DACH1: variants seen among roughly 807,000 people sequenced by gnomAD.
The protein encoded by DACH1 is dachshund homolog 1.
A neutral mutation model predicts 54.2 loss-of-function variants in DACH1; 12 were observed. The observed-to-expected ratio is 0.22, with a 90% CI of 0.14 to 0.36. The LOEUF is 0.36. Among genes scored for constraint, DACH1 ranks in the 10% least tolerant of loss-of-function variants. DACH1 has a pLI of 1.00. For missense variants in DACH1, 805 were observed against 929.8 expected (o/e 0.87, Z 1.75); for synonymous variants, 386 against 366.2 (o/e 1.05, Z -0.62).
chr13:71,679,591 T>TA (rs138369758), intron 2 of DACH1, among the ~76,000 whole-genome samples: 9,895 of 149,458 alleles, frequency 0.066, 932 homozygotes, highest in African/African-American at 0.21. Flanking sequence ...AATGGTTATT[T>TA]AAAAAAAAAA....
At chr13:71,680,882 A>G (rs1443551234) in intron 2 of DACH1, among the ~76,000 whole-genome samples, 1 of 152,114 alleles carries the variant, frequency 6.6e-6, no homozygotes, top group Non-Finnish European at 1.5e-5. Flanking sequence ...AAATGTTACA[A>G]AGAAAAATAC....
chr13:71,831,406 G>A (rs1006998588), intron 1 of DACH1, among the ~76,000 whole-genome samples: 3 of 151,730 alleles, frequency 2.0e-5, no homozygotes, highest in Non-Finnish European at 2.9e-5. Context: ...TAAGGTCCGA[G>A]AAACTGAAAA....
chr13:71,561,257 T>C (rs1166852749), intron 4 of DACH1, among the ~76,000 whole-genome samples: 1 of 152,210 alleles, frequency 6.6e-6, no homozygotes, highest in Admixed American at 6.5e-5. Flanking sequence ...CTGAGTATTA[T>C]GGCTTAATTG....
intron 1 of DACH1, among the ~76,000 whole-genome samples, chr13:71,706,871 G>T (rs563756275): frequency 6.6e-6 from 1 of 151,892 alleles, no homozygotes; most frequent in Non-Finnish European, 1.5e-5. Context: ...AATCTGCCTC[G>T]GTACAGTAAG....
At chr13:71,681,984 G>C (rs1161774272) in intron 1 of DACH1, 74 bp from the exon 2 acceptor site, 1 of 861,618 alleles carries the variant, frequency 1.2e-6, no homozygotes, top group African/African-American at 1.7e-5. Flanking sequence ...GTTTCAAGTG[G>C]TAACATGGAC....
At chr13:71,511,989 T>C (rs1454260109) in intron 6 of DACH1, among the ~76,000 whole-genome samples, 2 of 151,984 alleles carry the variant, frequency 1.3e-5, no homozygotes, top group Non-Finnish European at 2.9e-5. Flanking sequence ...TTCCTAAAAC[T>C]GTAACTGAGG....
At chr13:71,549,866 C>G (rs1237400309) in intron 6 of DACH1, among the ~76,000 whole-genome samples, 1 of 152,034 alleles carries the variant, frequency 6.6e-6, no homozygotes, top group Non-Finnish European at 1.5e-5. Flanking sequence ...ATTTACACAG[C>G]CACACACATG....
intron 1 of DACH1, among the ~76,000 whole-genome samples, chr13:71,812,838 T>G (rs1887770305): frequency 6.6e-6 from 1 of 152,162 alleles, no homozygotes; most frequent in South Asian, 2.1e-4. Context: ...TATCTACATC[T>G]CCTAAACTGT....
intron 6 of DACH1, among the ~76,000 whole-genome samples, chr13:71,518,987 A>G (rs376221806): frequency 6.6e-6 from 1 of 151,938 alleles, no homozygotes; most frequent in Admixed American, 6.6e-5. Flanking sequence ...CAGAGTCCCA[A>G]TTGTTCATTT....
chr13:71,857,469 T>C (rs1167413777), intron 1 of DACH1, among the ~76,000 whole-genome samples: 2 of 151,762 alleles, frequency 1.3e-5, no homozygotes, highest in African/African-American at 2.4e-5. Context: ...TGCGTGTGTG[T>C]GTGTGAATGT....
rs1874180948 is a variant in DACH1 at position 71,443,436 on chromosome 13, A to AC, written c.2084-2745_2084-2744insG. 2.0e-5 allele frequency among the ~76,000 whole-genome samples: 3 copies of AC among 152,086 alleles called. No individual in the cohort carries two copies. The South Asian group carries it at 6.2e-4, about 32-fold the overall frequency. ...TGGTGAGACCCCATCTCTATTAAAAAATAATAGTTATAAATGAAAAAATAA... is the reference window on the plus strand; with the variant it reads ...TGGTGAGACCCCATCTCTATTAAAAACATAATAGTTATAAATGAAAAAATAA... On this transcript the variant is annotated intron_variant, in intron 10 of 10. Transcript: ENST00000613252.
chr13:71,662,168 T>C (rs1228181967), intron 2 of DACH1, among the ~76,000 whole-genome samples: 5 of 151,958 alleles, frequency 3.3e-5, no homozygotes, highest in African/African-American at 1.2e-4. Context: ...CCACACAGCA[T>C]CAAATTTAAA....
intron 1 of DACH1, among the ~76,000 whole-genome samples, chr13:71,711,968 CA>C (rs1387573914): frequency 2.0e-5 from 3 of 152,038 alleles, no homozygotes; most frequent in African/African-American, 7.2e-5. Flanking sequence ...ACCAAAACAG[CA>C]AAGGATCAAT....
At chr13:71,712,226 T>C (rs1208329841) in intron 1 of DACH1, among the ~76,000 whole-genome samples, 1 of 152,116 alleles carries the variant, frequency 6.6e-6, no homozygotes, top group Non-Finnish European at 1.5e-5. Context: ...TCTTAAATCA[T>C]ATTTTTTTCA....
At chr13:71,607,094 T>C (rs529553924) in intron 3 of DACH1, among the ~76,000 whole-genome samples, 1 of 152,076 alleles carries the variant, frequency 6.6e-6, no homozygotes, top group South Asian at 2.1e-4. Flanking sequence ...ATTTCTTTCA[T>C]ATTAAAATTA....
chr13:71,796,153 A>C (rs745619455), intron 1 of DACH1, among the ~76,000 whole-genome samples: 15 of 152,188 alleles, frequency 9.9e-5, no homozygotes, highest in Non-Finnish European at 2.1e-4. Flanking sequence ...AAGTGACTTC[A>C]CAATGGCCTC....
chr13:71,621,595 T>A (rs2138543903), intron 3 of DACH1, among the ~76,000 whole-genome samples: 2 of 152,196 alleles, frequency 1.3e-5, no homozygotes, highest in Middle Eastern at 6.8e-3. Context: ...AAGAAATCTT[T>A]TGTGCAACAT....
At chr13:71,822,044 A>G (rs1733122233) in intron 1 of DACH1, among the ~76,000 whole-genome samples, 1 of 152,238 alleles carries the variant, frequency 6.6e-6, no homozygotes, top group East Asian at 1.9e-4. Context: ...CTGGCAACAG[A>G]GCGAGATTCC....
chr13:71,458,853 C>T (rs1051124714), intron 10 of DACH1, among the ~76,000 whole-genome samples: 2 of 151,826 alleles, frequency 1.3e-5, no homozygotes, highest in Non-Finnish European at 2.9e-5. Context: ...ATATTAAAAA[C>T]AATTAACTAA....
Sources: allele counts gnomAD v4.1 joint callset (sites outside exome capture counted in the v4.1 genomes callset), GRCh38; gene constraint gnomAD v4.1.1; transcripts MANE v1.5; gene names NCBI Gene and HGNC (gene_info 2026-07-23, HGNC 2026-07-21).